The following ATP1B3 variants were observed in gnomAD, a reference collection of about 807,000 sequenced individuals.
The protein encoded by ATP1B3 is sodium/potassium-transporting ATPase subunit beta-3.
Under a neutral mutation model 30.2 loss-of-function variants are expected in ATP1B3, and 10 were observed. The observed-to-expected ratio is 0.33, with a 90% CI of 0.20 to 0.56. The LOEUF (loss-of-function observed/expected upper bound fraction) is 0.56, where lower values mean the gene tolerates loss of function less well. ATP1B3 is among the 20% of genes least tolerant of loss of function. ATP1B3 has a pLI of 0.90. For synonymous variants in ATP1B3, 113 were observed against 117.0 expected (o/e 0.97, Z 0.22); for missense variants, 238 against 336.7 (o/e 0.71, Z 2.29).
chr3:141,889,728 CAAAAAAAAAAA>C (rs1168549266), intron 1 of ATP1B3, among the ~76,000 whole-genome samples: 1 of 48,480 alleles, frequency 2.1e-5, no homozygotes, highest in Non-Finnish European at 3.6e-5. Flanking sequence ...GACTCCGTCT[CAAAAAAAAAAA>C]AAAAAAAAAA....
intron 1 of ATP1B3, among the ~76,000 whole-genome samples, chr3:141,892,266 A>C (rs1173016464): frequency 6.6e-6 from 1 of 152,106 alleles, no homozygotes; most frequent in Non-Finnish European, 1.5e-5. Flanking sequence ...ACCCTTGCAA[A>C]TGCTTTTTTA....
In ATP1B3 at chr3:141,925,896, C is replaced by G. The variant is rs1424992072; in HGVS notation, c.*195C>G. ...AAGTAACTGCCTGTTGCCTCTGCTGCCCTTTGAACCAGTGTACAGTCGCCA... is the reference window on the plus strand; with the variant it reads ...AAGTAACTGCCTGTTGCCTCTGCTGGCCTTTGAACCAGTGTACAGTCGCCA... On this transcript the variant is annotated 3_prime_UTR_variant, in exon 7 of 7. Transcript: ENST00000286371. 1.6e-6 allele frequency: 1 copy of G among 631,576 alleles called. No individual in the cohort carries two copies. Among genetic ancestry groups the G allele is most frequent in the Non-Finnish European group, 2.6e-6 (1 of 386,706 alleles). The allele number at this position is 631,576 out of a possible 1,614,324, so 39.1% of individuals were successfully genotyped here.
intron 1 of ATP1B3, 129 bp downstream of exon 1, chr3:141,877,039 G>A (rs1933612193): frequency 1.7e-6 from 1 of 598,344 alleles, no homozygotes; most frequent in Non-Finnish European, 2.5e-6. Flanking sequence ...ACCCTAACCC[G>A]GGCGGCGGCG....
intron 1 of ATP1B3, among the ~76,000 whole-genome samples, chr3:141,897,539 T>G (rs1381845253): frequency 2.0e-5 from 3 of 152,206 alleles, no homozygotes. Context: ...CATGGAGAGA[T>G]ACTGGTCTAT....
chr3:141,895,953 C>T (rs1043569599), intron 1 of ATP1B3, among the ~76,000 whole-genome samples: 3 of 152,112 alleles, frequency 2.0e-5, no homozygotes, highest in African/African-American at 7.2e-5. Flanking sequence ...GTTTTGATTT[C>T]TCTTCCCTGG....
Position 141,925,563 on chromosome 3 carries a change from G to A in ATP1B3, c.702G>A (p.Gln234=). The A allele has an allele frequency of 6.2e-7, 1 of 1,613,200 alleles. No individual in the cohort carries two copies. ...VGYLQPLVAV[Q]VSFAPNNTGK... is the part of the protein sequence containing the mutation. ...ATCTACAGCCATTGGTTGCTGTTCA[G>A]GTCAGCTTTGCTCCTAACAACACTG... The change falls in exon 7 of 7, where the codon CAG becomes CAA. Residue 234 remains glutamine (Q), a synonymous_variant. Transcript: ENST00000286371.
At chr3:141,900,785 T>C (rs1934147393) in intron 1 of ATP1B3, among the ~76,000 whole-genome samples, 1 of 152,008 alleles carries the variant, frequency 6.6e-6, no homozygotes, top group Non-Finnish European at 1.5e-5. Flanking sequence ...GGTTGTTTTC[T>C]TGTTTTTGTT....
intron 1 of ATP1B3, among the ~76,000 whole-genome samples, chr3:141,879,811 CTTTTTTTT>C (rs150389395): frequency 5.2e-5 from 3 of 57,942 alleles, no homozygotes; most frequent in African/African-American, 8.5e-5. Flanking sequence ...TTGGTAACAG[CTTTTTTTT>C]TTTTTTTTTT....
intron 1 of ATP1B3, among the ~76,000 whole-genome samples, chr3:141,885,134 T>C (rs150469547): frequency 6.6e-6 from 1 of 152,318 alleles, no homozygotes; most frequent in African/African-American, 2.4e-5. Flanking sequence ...TTCACTATCC[T>C]GTCGTCTAGG....
chr3:141,920,912 T>C (rs1934553135), intron 5 of ATP1B3, among the ~76,000 whole-genome samples: 1 of 152,186 alleles, frequency 6.6e-6, no homozygotes, highest in African/African-American at 2.4e-5. Context: ...TCCTTTGTGC[T>C]GTCTGGCCGG....
chr3:141,900,309 C>G lies in ATP1B3; in HGVS notation c.110-3311C>G, dbSNP rs561129377. On this transcript the variant is annotated intron_variant, in intron 1 of 6. Coordinates refer to ENST00000286371, the MANE Select transcript of ATP1B3 (RefSeq NM_001679.4). ...GTGGCCTGTGGTTTAGTCAATCATACCTACATAATGAAACCCCAGTAAAAA... is the reference window on the plus strand; with the variant it reads ...GTGGCCTGTGGTTTAGTCAATCATAGCTACATAATGAAACCCCAGTAAAAA... Among the ~76,000 whole-genome samples the G allele has an allele frequency of 8.5e-5, 13 of 152,174 alleles. No homozygotes were observed. The South Asian group carries it at 2.7e-3, about 32-fold the overall frequency.
At chr3:141,889,794 CACG>C (rs1933907152) in intron 1 of ATP1B3, among the ~76,000 whole-genome samples, 1 of 133,070 alleles carries the variant, frequency 7.5e-6, no homozygotes. Context: ...CACACACACA[CACG>C]TATATCTACA....
chr3:141,899,751 C>T (rs919207692), intron 1 of ATP1B3, among the ~76,000 whole-genome samples: 3 of 152,156 alleles, frequency 2.0e-5, no homozygotes, highest in African/African-American at 4.8e-5. Flanking sequence ...TGCCTGTAAT[C>T]CCAGCTACTC....
chr3:141,881,901 A>G (rs1352989496), intron 1 of ATP1B3, among the ~76,000 whole-genome samples: 2 of 151,786 alleles, frequency 1.3e-5, no homozygotes, highest in African/African-American at 2.4e-5. Context: ...CTAGCAGGAG[A>G]AAGTACTTCC....
chr3:141,914,032 T>C (rs561776051), intron 4 of ATP1B3, among the ~76,000 whole-genome samples, 196 bp downstream of exon 4: 1 of 152,192 alleles, frequency 6.6e-6, no homozygotes. Flanking sequence ...AAAAAGAGGT[T>C]CATAGATTAA....
At chr3:141,882,535 A>G (rs1577955407) in intron 1 of ATP1B3, among the ~76,000 whole-genome samples, 1 of 152,040 alleles carries the variant, frequency 6.6e-6, no homozygotes, top group Admixed American at 6.6e-5. Flanking sequence ...TGGCTTAGTT[A>G]CTATCTCTGT....
At chr3:141,877,005 A>G in intron 1 of ATP1B3, 95 bp downstream of exon 1, 1 of 985,448 alleles carries the variant, frequency 1.0e-6, no homozygotes, top group Non-Finnish European at 1.4e-6. Context: ...GGCGGCTCCC[A>G]GCGCCGGGGC....
intron 1 of ATP1B3, among the ~76,000 whole-genome samples, chr3:141,892,622 A>C (rs1230154584): frequency 7.3e-6 from 1 of 137,168 alleles, no homozygotes; most frequent in Non-Finnish European, 1.5e-5. Context: ...GAGCCACTGC[A>C]TGCAGCCTGG....
intron 2 of ATP1B3, among the ~76,000 whole-genome samples, chr3:141,906,422 C>T (rs1205900363): frequency 4.6e-5 from 7 of 152,264 alleles, no homozygotes; most frequent in East Asian, 3.9e-4. Context: ...TCAAGTGATC[C>T]GCCAGCCTCG....
Sources: gnomAD v4.1 joint callset for allele counts (sites outside exome capture counted in the v4.1 genomes callset) on GRCh38, gnomAD v4.1.1 for gene constraint, MANE v1.5 for transcripts, NCBI Gene and HGNC (gene_info 2026-07-23, HGNC 2026-07-21) for gene names.